Variants in OSBPL10 observed in about 807,000 individuals in gnomAD.
OSBPL10 encodes the protein oxysterol-binding protein-related protein 10.
A neutral mutation model predicts 81.7 loss-of-function variants in OSBPL10; 49 were observed. The observed-to-expected ratio is 0.60, with a 90% confidence interval of 0.48 to 0.76. OSBPL10 has a LOEUF of 0.76. Ranked by LOEUF, OSBPL10 falls within the 30% of genes least tolerant of loss-of-function variation. The pLI, the probability that OSBPL10 is intolerant of heterozygous loss-of-function variation, is 0.00. For missense variants in OSBPL10, 923 were observed against 987.8 expected (o/e 0.93, Z 0.88); for synonymous variants, 419 against 383.6 (o/e 1.09, Z -1.08).
intron 7 of OSBPL10, among the ~76,000 whole-genome samples, chr3:31,690,699 T>C (rs1438145878): frequency 1.3e-5 from 2 of 152,086 alleles, no homozygotes; most frequent in African/African-American, 2.4e-5. Context: ...AGGAAAAAAA[T>C]AGAATACCTG....
At chr3:32,005,679 C>G (rs543134518) in intron 2 of OSBPL10, among the ~76,000 whole-genome samples, 2 of 152,276 alleles carry the variant, frequency 1.3e-5, no homozygotes, top group East Asian at 3.9e-4. Context: ...CCTCTGCCTC[C>G]CAGGTTCAAG....
chr3:32,018,327 C>G (rs1048911499), intron 2 of OSBPL10, among the ~76,000 whole-genome samples: 1 of 152,120 alleles, frequency 6.6e-6, no homozygotes, highest in African/African-American at 2.4e-5. Context: ...GATGTGGGAA[C>G]AAAGCTCAGA....
At chr3:31,851,792 G>A (rs60289125) in intron 3 of OSBPL10, among the ~76,000 whole-genome samples, 7,377 of 152,238 alleles carry the variant, frequency 0.048, 619 homozygotes, top group African/African-American at 0.17. Flanking sequence ...CCTCCATCCC[G>A]TGACTGAGTC....
rs1318454251 is a variant in OSBPL10 at position 31,661,722 on chromosome 3, A to G, written c.*350T>C. ...TGTAAAACATTTTTGGCAAAGTGAA[A>G]AATAGAAAAACTTCAAACTTCATTG... On this transcript the variant is annotated 3_prime_UTR_variant, in exon 12 of 12. Transcript: ENST00000396556. 2.2e-5 allele frequency: 4 copies of G among 185,386 alleles called. No individual in the cohort carries two copies. The highest frequency in any genetic ancestry group is 6.2e-5 in the Admixed American group (1 of 16,172). The allele number at this position is 185,386 out of a possible 1,614,324, so 11.5% of individuals were successfully genotyped here.
chr3:32,077,206 C>A (rs1169185307), intron 1 of OSBPL10, among the ~76,000 whole-genome samples: 1 of 152,124 alleles, frequency 6.6e-6, no homozygotes, highest in Non-Finnish European at 1.5e-5. Flanking sequence ...AAGTTAGAAG[C>A]AAGATGGAAT....
intron 1 of OSBPL10, among the ~76,000 whole-genome samples, chr3:31,917,716 G>A (rs545214995): frequency 8.7e-4 from 130 of 148,654 alleles, no homozygotes; most frequent in African/African-American, 3.0e-3. Context: ...CTCAAAACAT[G>A]TAACCTTGAC....
At chr3:31,751,090 G>A (rs1003524242) in intron 4 of OSBPL10, among the ~76,000 whole-genome samples, 3 of 152,232 alleles carry the variant, frequency 2.0e-5, no homozygotes, top group Admixed American at 2.0e-4. Context: ...CAGATCACTT[G>A]AGGCCAGGAG....
At chr3:31,882,985 C>T (rs1000846212) in intron 1 of OSBPL10, among the ~76,000 whole-genome samples, 3 of 152,192 alleles carry the variant, frequency 2.0e-5, no homozygotes, top group African/African-American at 7.2e-5. Context: ...ACCAGGGTAA[C>T]TTCTGAGCAG....
chr3:31,761,163 T>C (rs890005733), intron 4 of OSBPL10, among the ~76,000 whole-genome samples: 1 of 152,090 alleles, frequency 6.6e-6, no homozygotes, highest in East Asian at 1.9e-4. Context: ...CCCTGCATAA[T>C]GCAGGGTAAA....
chr3:31,823,316 T>A (rs1052555420), intron 4 of OSBPL10, among the ~76,000 whole-genome samples: 8 of 152,206 alleles, frequency 5.3e-5, no homozygotes, highest in African/African-American at 1.9e-4. Flanking sequence ...GTATGCCTAG[T>A]GATTGTGCAA....
chr3:31,986,647 G>A (rs937765463), intron 2 of OSBPL10, among the ~76,000 whole-genome samples: 19 of 151,860 alleles, frequency 1.3e-4, no homozygotes, highest in African/African-American at 3.6e-4. Flanking sequence ...TAAAATAGGC[G>A]CCTGGCCTAT....
At chr3:31,790,006 T>C (rs2125420168) in intron 4 of OSBPL10, among the ~76,000 whole-genome samples, 2 of 152,262 alleles carry the variant, frequency 1.3e-5, no homozygotes, top group African/African-American at 4.8e-5. Context: ...AACATTAATT[T>C]TTAAGAACAT....
chr3:31,896,627 C>G (rs1356605956), intron 1 of OSBPL10, among the ~76,000 whole-genome samples: 2 of 152,230 alleles, frequency 1.3e-5, no homozygotes, highest in Non-Finnish European at 2.9e-5. Flanking sequence ...TTCAAGGAGG[C>G]TCCTCTAGCT....
At chr3:31,997,912 C>G (rs913293780) in intron 2 of OSBPL10, among the ~76,000 whole-genome samples, 2 of 152,026 alleles carry the variant, frequency 1.3e-5, no homozygotes, top group African/African-American at 4.8e-5. Context: ...CTTAGCCTCC[C>G]GAGTAGCTGG....
intron 4 of OSBPL10, among the ~76,000 whole-genome samples, chr3:31,779,358 T>C (rs1315190814): frequency 2.6e-5 from 4 of 151,992 alleles, no homozygotes; most frequent in Non-Finnish European, 5.9e-5. Flanking sequence ...AAACTCAAGG[T>C]AAAGGAGTAG....
chr3:31,732,851 T>G, intron 6 of OSBPL10: 3 of 232,584 alleles, frequency 1.3e-5, no homozygotes, highest in Non-Finnish European at 1.7e-5. Flanking sequence ...CATGCAGGAG[T>G]CGAGCATGTG....
chr3:31,691,579 G>A (rs1332966486), intron 7 of OSBPL10, among the ~76,000 whole-genome samples: 2 of 152,112 alleles, frequency 1.3e-5, no homozygotes, highest in Admixed American at 6.6e-5. Context: ...AAATTAGCCA[G>A]GTGTGGTGGT....
Position 31,981,106 on chromosome 3 carries a change from G to A in OSBPL10, c.74C>T (p.Thr25Ile). ...NSSSRSSSRA[T>I]SAGSSPSCSL... ...GCAGGAGGGCGAGGAGCCCGCCGAG[G>A]TAGCACGGCTGCTGCTGCGGCTGCT... Residue 25 changes from threonine (T) to isoleucine (I), a missense_variant, in exon 1 of 12, where the codon ACC (threonine) becomes ATC (isoleucine). Physicochemically the swap from Thr to Ile is moderately conservative, Grantham distance 89. Around this residue, in one of 3 missense-constraint regions of OSBPL10, gnomAD observed 514 missense variants for 508.0 expected, o/e 1.01. Transcript: ENST00000396556. The surrounding 1 kb of genome is among the most constrained non-coding windows in gnomAD (Gnocchi z 4.5). 1.3e-6 allele frequency: 2 copies of A among 1,493,188 alleles called. No individual in the cohort carries two copies. Among genetic ancestry groups the A allele is most frequent in the South Asian group, 1.3e-5 (1 of 79,374 alleles). The allele number at this position is 1,493,188 out of a possible 1,614,324, so 92.5% of individuals were successfully genotyped here.
At chr3:31,969,797 T>C (rs1014341551) in intron 1 of OSBPL10, among the ~76,000 whole-genome samples, 9 of 151,478 alleles carry the variant, frequency 5.9e-5, no homozygotes, top group South Asian at 2.1e-4. Flanking sequence ...GGAGGTTGCA[T>C]TGAGCCGAGA....
Sources: allele counts gnomAD v4.1 joint callset (sites outside exome capture counted in the v4.1 genomes callset), GRCh38; gene constraint gnomAD v4.1.1; regional missense constraint gnomAD v4.1.1; non-coding constraint Gnocchi (gnomAD v3.1); transcripts MANE v1.5; gene names NCBI Gene and HGNC (gene_info 2026-07-23, HGNC 2026-07-21).